GPR141: variants seen among roughly 807,000 people sequenced by gnomAD.
GPR141 encodes the protein G protein-coupled receptor 141, also known as probable G protein-coupled receptor 141.
GPR141 carries 6 observed loss-of-function variants against 6.8 expected under a neutral mutation model. The observed-to-expected ratio is 0.88, with a 90% CI of 0.48 to 1.74. The LOEUF is 1.74. Among genes scored for constraint, GPR141 ranks in the 40% most tolerant of loss-of-function variants. The pLI is 0.01. For synonymous variants in GPR141, 140 were observed against 142.3 expected (o/e 0.98, Z 0.11); for missense variants, 372 against 372.9 (o/e 1.00, Z 0.02).
intron 2 of GPR141, among the ~76,000 whole-genome samples, chr7:37,703,122 T>C (rs1470417863): frequency 6.6e-6 from 1 of 152,184 alleles, no homozygotes; most frequent in African/African-American, 2.4e-5. Flanking sequence ...TTGCTCACAT[T>C]CTTCAAAGAA....
Position 37,734,382 on chromosome 7 carries a change from A to T in GPR141, c.-14-5998A>T, listed in dbSNP as rs117211299. On this transcript the variant is annotated intron_variant, in intron 2 of 2. Coordinates refer to ENST00000334425, the MANE Select transcript of GPR141 (RefSeq NM_001381946.1). ...GTAGAAGCAAGAATTGAAGTAACGC[A>T]TTGTTCTCTTAGCTACATGTTATGA... 1.5e-3 allele frequency among the ~76,000 whole-genome samples: 235 copies of T among 152,306 alleles called. No homozygotes were observed. The East Asian group carries it at 0.038, about 25-fold the overall frequency.
At chr7:37,716,043 A>C (rs1811031605) in intron 2 of GPR141, among the ~76,000 whole-genome samples, 1 of 152,216 alleles carries the variant, frequency 6.6e-6, no homozygotes, top group Non-Finnish European at 1.5e-5. Context: ...GTTGAGACAG[A>C]GTCAACTTTT....
chr7:37,693,070 C>A (rs924121200), intron 2 of GPR141, among the ~76,000 whole-genome samples: 1 of 152,030 alleles, frequency 6.6e-6, no homozygotes, highest in African/African-American at 2.4e-5. Flanking sequence ...AGTCATGAAG[C>A]CTTTGCCCAT....
At chr7:37,708,172 C>T (rs546287962) in intron 2 of GPR141, among the ~76,000 whole-genome samples, 6 of 152,130 alleles carry the variant, frequency 3.9e-5, no homozygotes, top group African/African-American at 1.4e-4. Context: ...AGTGGCCATA[C>T]TGAAGCATGA....
intron 2 of GPR141, among the ~76,000 whole-genome samples, chr7:37,735,787 A>G (rs1289328364): frequency 6.6e-6 from 1 of 152,228 alleles, no homozygotes; most frequent in Non-Finnish European, 1.5e-5. Context: ...AACTATGATT[A>G]AAGTATTTAA....
At chr7:37,692,920 C>A (rs1013827378) in intron 2 of GPR141, among the ~76,000 whole-genome samples, 2 of 152,126 alleles carry the variant, frequency 1.3e-5, no homozygotes, top group African/African-American at 4.8e-5. Context: ...GGATAGATTG[C>A]AAAAATTTTC....
intron 1 of GPR141, among the ~76,000 whole-genome samples, chr7:37,684,315 G>C (rs533797829): frequency 2.0e-5 from 3 of 152,210 alleles, no homozygotes; most frequent in African/African-American, 7.2e-5. Flanking sequence ...TTTTCAGATA[G>C]AGTTTGAAAC....
intron 2 of GPR141, among the ~76,000 whole-genome samples, chr7:37,697,074 A>G (rs760895464): frequency 3.3e-5 from 5 of 152,204 alleles, no homozygotes; most frequent in Admixed American, 3.3e-4. Context: ...GACACAATTT[A>G]TATATGTAAA....
chr7:37,724,284 A>G (rs1024201820), intron 2 of GPR141, among the ~76,000 whole-genome samples: 3 of 152,080 alleles, frequency 2.0e-5, no homozygotes, highest in Non-Finnish European at 4.4e-5. Context: ...CTGCCTAAAA[A>G]ATATATATAT....
intron 2 of GPR141, among the ~76,000 whole-genome samples, chr7:37,729,604 A>G (rs570363880): frequency 6.0e-4 from 91 of 152,344 alleles, no homozygotes; most frequent in South Asian, 3.3e-3. Flanking sequence ...AACAGAGAAT[A>G]AGACAACAAA....
chr7:37,685,709 A>G (rs1374451533), intron 2 of GPR141, 126 bp downstream of exon 2: 1 of 149,870 alleles, frequency 6.7e-6, no homozygotes, highest in Non-Finnish European at 1.5e-5. Context: ...TTGGCTTTTC[A>G]GAGTACTGGG....
In GPR141 at chr7:37,743,656, G is replaced by C. The variant is rs1230140298; in HGVS notation, c.*2345G>C. Among the ~76,000 whole-genome samples the C allele has an allele frequency of 2.0e-5, 3 of 151,878 alleles. No individual in the cohort carries two copies. Among genetic ancestry groups the C allele is most frequent in the Admixed American group, 6.6e-5 (1 of 15,232 alleles). On this transcript the variant is annotated 3_prime_UTR_variant, in exon 3 of 3. Transcript: ENST00000334425. ...CCAGATTTTAGATATGTTGAGGTCA[G>C]GCAATTCAAAAGAATTAATCTCTGT...
intron 2 of GPR141, among the ~76,000 whole-genome samples, chr7:37,704,991 T>C (rs1265346173): frequency 1.3e-5 from 2 of 152,184 alleles, no homozygotes; most frequent in East Asian, 1.9e-4. Flanking sequence ...GTTATTGCTA[T>C]GTGCTCAGTG....
chr7:37,731,778 A>G (rs1256179266), intron 2 of GPR141, among the ~76,000 whole-genome samples: 1 of 152,154 alleles, frequency 6.6e-6, no homozygotes, highest in East Asian at 1.9e-4. Flanking sequence ...TTGTCCCATT[A>G]GGAAAAAATT....
intron 2 of GPR141, among the ~76,000 whole-genome samples, chr7:37,736,715 A>G (rs1212975747): frequency 6.6e-6 from 1 of 152,202 alleles, no homozygotes; most frequent in Admixed American, 6.5e-5. Flanking sequence ...AAAAATAAAG[A>G]TGAAATGAAA....
chr7:37,692,693 C>T (rs1208256876), intron 2 of GPR141, among the ~76,000 whole-genome samples: 1 of 152,190 alleles, frequency 6.6e-6, no homozygotes, highest in Non-Finnish European at 1.5e-5. Context: ...ACTATTCTAA[C>T]TGGCGTGGGA....
chr7:37,699,871 A>G (rs1052226958), intron 2 of GPR141, among the ~76,000 whole-genome samples: 1 of 152,254 alleles, frequency 6.6e-6, no homozygotes, highest in African/African-American at 2.4e-5. Flanking sequence ...ACGACAGAGA[A>G]TCAGCATGGG....
At chr7:37,690,581 C>T (rs1364890695) in intron 2 of GPR141, among the ~76,000 whole-genome samples, 1 of 152,142 alleles carries the variant, frequency 6.6e-6, no homozygotes, top group Non-Finnish European at 1.5e-5. Context: ...TTATAAATTA[C>T]CCAGTCTCCG....
At chr7:37,720,496 C>G (rs1811264596) in intron 2 of GPR141, among the ~76,000 whole-genome samples, 1 of 152,156 alleles carries the variant, frequency 6.6e-6, no homozygotes, top group Non-Finnish European at 1.5e-5. Context: ...AATCCCAGCA[C>G]TTTGGGAGGC....
Sources: allele counts gnomAD v4.1 joint callset (sites outside exome capture counted in the v4.1 genomes callset), GRCh38; gene constraint gnomAD v4.1.1; transcripts MANE v1.5; gene names NCBI Gene and HGNC (gene_info 2026-07-23, HGNC 2026-07-21).